Variants in ALPP observed in about 807,000 individuals in gnomAD.
The protein encoded by ALPP is alkaline phosphatase, placental type.
A neutral mutation model predicts 50.7 loss-of-function variants in ALPP; 39 were observed. The ratio of observed to expected loss-of-function variants is 0.77; its 90% CI spans 0.60 to 1.00. The LOEUF (loss-of-function observed/expected upper bound fraction) is 1.00, where lower values mean the gene tolerates loss of function less well. Among genes scored for constraint, ALPP ranks in the 50% least tolerant of loss-of-function variants. ALPP has a pLI of 0.00. For synonymous variants in ALPP, 226 were observed against 320.3 expected (o/e 0.71, Z 3.14); for missense variants, 550 against 746.8 (o/e 0.74, Z 3.07).
chr2:232,379,144 T>C lies in ALPP; in HGVS notation c.194-56T>C, dbSNP rs376899741. ...CCTCACAGCCCCGGCGCCCGGACCC[T>C]CAGTGGTTCCAGGAGAGCCCTGGGG... On this transcript the variant is annotated intron_variant, in intron 2 of 10. Coordinates refer to ENST00000392027, the MANE Select transcript of ALPP (RefSeq NM_001632.5). The C allele has an allele frequency of 1.5e-4, 238 of 1,614,014 alleles. 8 individuals carry two copies. Among genetic ancestry groups the C allele is most frequent in the East Asian group, 9.8e-4 (44 of 44,872 alleles).
In ALPP at chr2:232,381,285, C is replaced by A. The variant is rs773288532; in HGVS notation, c.1227C>A (p.Ala409=). The A allele has an allele frequency of 1.2e-4, 201 of 1,613,880 alleles. No individual in the cohort carries two copies. The highest frequency in any genetic ancestry group is 1.6e-4 in the Non-Finnish European group (186 of 1,180,004). The stretch of plus-strand genomic sequence containing the variant: ...CTGGCAAGGCCCGGGACAGGAAGGC[C>A]TACACGGTCCTCCTATACGGAAACG... ...LAPGKARDRK[A]YTVLLYGNGP... The change falls in exon 10 of 11, where the codon GCC becomes GCA. Residue 409 remains alanine, a synonymous_variant. Transcript: ENST00000392027.
In ALPP at chr2:232,379,945, C is replaced by G; in HGVS notation, c.657+9C>G. The stretch of plus-strand genomic sequence containing the variant: ...CCAACATGGACATTGACGTGCGACC[C>G]CCAGGCCAAGGGCTGGGGCTGGGCA... On this transcript the variant is annotated intron_variant, in intron 5 of 10. Coordinates refer to ENST00000392027, the MANE Select transcript of ALPP (RefSeq NM_001632.5). 2 of 1,599,096 alleles carry G rather than the reference C, an allele frequency of 1.3e-6. No homozygotes were observed. Among genetic ancestry groups the G allele is most frequent in the Admixed American group, 3.4e-5 (2 of 59,430 alleles).
Position 232,381,854 on chromosome 2 carries a change from C to T in ALPP, c.*59C>T. ...CCGGAGTTCTCCTGCTCCCCACCTCCTGTCGTCCTGCCTGGCCTCCAGCCC... is the reference window on the plus strand; with the variant it reads ...CCGGAGTTCTCCTGCTCCCCACCTCTTGTCGTCCTGCCTGGCCTCCAGCCC... On this transcript the variant is annotated 3_prime_UTR_variant, in exon 11 of 11. Coordinates refer to ENST00000392027, the MANE Select transcript of ALPP (RefSeq NM_001632.5). 6.6e-7 allele frequency: 1 copy of T among 1,507,430 alleles called. No individual in the cohort carries two copies. Among genetic ancestry groups the T allele is most frequent in the Admixed American group, 2.1e-5 (1 of 48,600 alleles). 93.4% of individuals were successfully genotyped at this position (1,507,430 alleles called of 1,614,324 possible).
At position 232,381,695 on chromosome 2, in the gene ALPP, G is replaced by T. The variant is rs765258696; in HGVS notation, c.1508G>T (p.Gly503Val). ...GCCTGCGACCTGGCGCCCCCCGCCG[G>T]CACCACCGACGCCGCGCACCCGGGG... The part of the protein sequence containing the change: ...YTACDLAPPA[G>V]TTDAAHPGRS... Residue 503 changes from glycine (G) to valine (V), a missense_variant, in exon 11 of 11, where the codon GGC (glycine) becomes GTC (valine). By Grantham distance (109) the Gly-to-Val change is moderately radical. Coordinates refer to ENST00000392027, the MANE Select transcript of ALPP (RefSeq NM_001632.5). The T allele has an allele frequency of 1.2e-6, 2 of 1,608,350 alleles. No homozygotes were observed. The highest frequency in any genetic ancestry group is 1.7e-6 in the Non-Finnish European group (2 of 1,178,440).
rs1352210017 is a variant in ALPP at position 232,381,930 on chromosome 2, C to T, written c.*135C>T. On this transcript the variant is annotated 3_prime_UTR_variant, in exon 11 of 11. Coordinates refer to ENST00000392027, the MANE Select transcript of ALPP (RefSeq NM_001632.5). ...ACAGAGGTCCTGCCATGGAACCTTCCCCTCCCCGTGCGCTCTGGGGACTGA... is the reference window on the plus strand; with the variant it reads ...ACAGAGGTCCTGCCATGGAACCTTCTCCTCCCCGTGCGCTCTGGGGACTGA... 3 of 1,361,146 alleles carry T rather than the reference C, an allele frequency of 2.2e-6. No homozygotes were observed. Among genetic ancestry groups the T allele is most frequent in the East Asian group, 5.0e-5 (2 of 39,820 alleles). 84.3% of individuals were successfully genotyped at this position (1,361,146 alleles called of 1,614,324 possible).
chr2:232,379,598 T>C lies in ALPP; in HGVS notation c.395T>C (p.Ile132Thr), dbSNP rs1332540519. The C allele has an allele frequency of 3.1e-6, 5 of 1,614,016 alleles. No individual in the cohort carries two copies. The highest frequency in any genetic ancestry group is 2.2e-5 in the East Asian group (1 of 44,876). ...LCGVKGNFQT[I>T]GLSAAARFNQ... ...GGGGTCAAGGGCAACTTCCAGACCA[T>C]TGGCTTGAGTGCAGCCGCCCGCTTT... The change falls in exon 4 of 11, where the codon ATT becomes ACT. Residue 132 changes from isoleucine to threonine, a missense_variant. Around this residue, in one of 5 missense-constraint regions of ALPP, gnomAD observed 376 missense variants for 388.5 expected, o/e 0.97. Coordinates refer to ENST00000392027, the MANE Select transcript of ALPP (RefSeq NM_001632.5).
rs1696665600 is a variant in ALPP, at chr2:232,379,582, G to A, written c.379G>A (p.Gly127Ser). ...CACGGCCTACCTGTGCGGGGTCAAG[G>A]GCAACTTCCAGACCATTGGCTTGAG... ...TATAYLCGVKGNFQTIGLSAA... is the reference protein window; with the variant it reads ...TATAYLCGVKSNFQTIGLSAA... The change falls in exon 4 of 11, where the codon GGC becomes AGC. Residue 127 changes from glycine to serine, a missense_variant. Physicochemically the swap from Gly to Ser is moderately conservative, Grantham distance 56. Around this residue, in one of 5 missense-constraint regions of ALPP, gnomAD observed 376 missense variants for 388.5 expected, o/e 0.97. Coordinates refer to ENST00000392027, the MANE Select transcript of ALPP (RefSeq NM_001632.5). 6.2e-7 allele frequency: 1 copy of A among 1,614,076 alleles called. No homozygotes were observed. Among genetic ancestry groups the A allele is most frequent in the Middle Eastern group, 1.6e-4 (1 of 6,062 alleles).
In ALPP at chr2:232,379,638, G is replaced by A. The variant is rs376147815; in HGVS notation, c.435G>A (p.Thr145=). The change falls in exon 4 of 11, where the codon ACG becomes ACA. Residue 145 remains threonine (T), a synonymous_variant. Transcript: ENST00000392027. ...SAAARFNQCN[T]TRGNEVISVM... ...CCGCCCGCTTTAACCAGTGCAACAC[G>A]ACACGCGGCAACGAGGTCATCTCCG... 24 of 1,613,798 alleles carry A rather than the reference G, an allele frequency of 1.5e-5. No homozygotes were observed. The African/African-American group carries it at 1.7e-4, about 12-fold the overall frequency.
chr2:232,379,289 C>G lies in ALPP; in HGVS notation c.283C>G (p.Arg95Gly), dbSNP rs537502520. ...LGPEIPLAMD[R>G]FPYVALSKTY... is the part of the protein sequence containing the mutation. ...GCCTGAGATACCCCTGGCCATGGAC[C>G]GCTTCCCATATGTGGCTCTGTCCAA... The change falls in exon 3 of 11, where the codon CGC becomes GGC. Residue 95 changes from arginine (R) to glycine (G), a missense_variant. By Grantham distance (125) the Arg-to-Gly change is moderately radical. Around this residue, in one of 5 missense-constraint regions of ALPP, gnomAD observed 376 missense variants for 388.5 expected, o/e 0.97. Coordinates refer to ENST00000392027, the MANE Select transcript of ALPP (RefSeq NM_001632.5). 3.7e-6 allele frequency: 6 copies of G among 1,613,978 alleles called. No individual in the cohort carries two copies. The highest frequency in any genetic ancestry group is 5.1e-6 in the Non-Finnish European group (6 of 1,180,024).
chr2:232,382,533 G>A lies in ALPP; in HGVS notation c.*738G>A. On this transcript the variant is annotated 3_prime_UTR_variant, in exon 11 of 11. Coordinates refer to ENST00000392027, the MANE Select transcript of ALPP (RefSeq NM_001632.5). ...TGGACACTGGGCATAGATTTCTCAA[G>A]AAGGAAGACTCCCCTGCCTCCCCAG... The A allele has an allele frequency of 6.6e-6, 1 of 152,306 alleles. No individual in the cohort carries two copies. The highest frequency in any genetic ancestry group is 6.5e-5 in the Admixed American group (1 of 15,280). 9.4% of individuals were successfully genotyped at this position (152,306 alleles called of 1,614,324 possible). A position where few individuals can be genotyped will look rare whatever the true frequency, so the allele number is the denominator to read the frequency against.
rs767270931 is a variant in ALPP, at chr2:232,378,785, T to G, written c.-18T>G. ...GCCCAGAATTCCTGCCTCGCCACTG[T>G]CCTGCTGCCCTCCAGACATGCTGGG... On this transcript the variant is annotated 5_prime_UTR_variant, in exon 1 of 11. Transcript: ENST00000392027. 1.2e-6 allele frequency: 2 copies of G among 1,613,050 alleles called. No individual in the cohort carries two copies. The highest frequency in any genetic ancestry group is 4.5e-5 in the East Asian group (2 of 44,882).
intron 9 of ALPP, 48 bp from the exon 10 acceptor site, chr2:232,381,203 A>G: frequency 1.2e-6 from 2 of 1,609,314 alleles, no homozygotes; most frequent in Non-Finnish European, 1.7e-6. Context: ...CGTGGGAGAC[A>G]CTCCACAGCT....
In ALPP at chr2:232,379,332, C is replaced by G; in HGVS notation, c.309+17C>G. ...CTGTCCAAGGTAAGTGCTGGGCTAC[C>G]TTAGAGTCCTCCAAGCACAGAAGGG... is the stretch of plus-strand genomic sequence containing the variant. On this transcript the variant is annotated intron_variant, in intron 3 of 10. Coordinates refer to ENST00000392027, the MANE Select transcript of ALPP (RefSeq NM_001632.5). 6.2e-7 allele frequency: 1 copy of G among 1,613,404 alleles called. No individual in the cohort carries two copies. Among genetic ancestry groups the G allele is most frequent in the Non-Finnish European group, 8.5e-7 (1 of 1,179,634 alleles).
In ALPP at chr2:232,381,303, C is replaced by G. The variant is rs752955692; in HGVS notation, c.1245C>G (p.Tyr415Ter). 3.1e-6 allele frequency: 5 copies of G among 1,613,976 alleles called. No homozygotes were observed. The highest frequency in any genetic ancestry group is 1.3e-5 in the African/African-American group (1 of 74,912). The change falls in exon 10 of 11, where the codon TAC becomes TAG. Residue 415 changes from tyrosine (Y) to a stop codon, truncating the protein, a stop_gained. Transcript: ENST00000392027. LOFTEE classifies it high-confidence loss of function. ...GGAAGGCCTACACGGTCCTCCTATA[C>G]GGAAACGGTCCAGGCTATGTGCTCA... ...RDRKAYTVLL[Y>*]GNGPGYVLKD... is the part of the protein sequence containing the mutation.
chr2:232,379,858 C>T lies in ALPP; in HGVS notation c.579C>T (p.Asp193=), dbSNP rs75604235. The T allele has an allele frequency of 2.4e-4, 392 of 1,613,448 alleles. No homozygotes were observed. The East Asian group carries it at 3.1e-3, about 13-fold the overall frequency. The change falls in exon 5 of 11, where the codon GAC becomes GAT. Residue 193 remains aspartate (D), a synonymous_variant. Coordinates refer to ENST00000392027, the MANE Select transcript of ALPP (RefSeq NM_001632.5). ...AHTVNRNWYS[D]ADVPASARQE... ...CGGTGAACCGCAACTGGTACTCGGA[C>T]GCCGACGTGCCTGCCTCCGCCCGCC... is the stretch of plus-strand genomic sequence containing the variant.
At position 232,381,355 on chromosome 2, in the gene ALPP, G is replaced by C; in HGVS notation, c.1297G>C (p.Glu433Gln). 6.2e-7 allele frequency: 1 copy of C among 1,614,112 alleles called. No homozygotes were observed. The highest frequency in any genetic ancestry group is 8.5e-7 in the Non-Finnish European group (1 of 1,180,036). The change falls in exon 10 of 11, where the codon GAG becomes CAG. Residue 433 changes from glutamate (E) to glutamine (Q), a missense_variant. Glu to Gln is a conservative substitution (Grantham distance 29, BLOSUM62 2). Transcript: ENST00000392027. The part of the protein sequence containing the change: ...LKDGARPDVT[E>Q]SESGSPEYRQ... ...GGACGGCGCCCGGCCGGATGTTACC[G>C]AGAGCGAGAGCGGTGAGTGCCGCGG...
rs754581296 is a variant in ALPP at position 232,379,775 on chromosome 2, G to A, written c.496G>A (p.Gly166Arg). 1 of 1,613,958 alleles carries A rather than the reference G, an allele frequency of 6.2e-7. No individual in the cohort carries two copies. The highest frequency in any genetic ancestry group is 1.1e-5 in the South Asian group (1 of 91,074). ...NRAKKAGKSVGVVTTTRVQHA... is the reference protein window; with the variant it reads ...NRAKKAGKSVRVVTTTRVQHA... Reference sequence around the variant, plus strand: ...TCTGACACCCTTAGGGAAGTCAGTGGGAGTGGTAACCACCACACGAGTGCA... The same window carrying A: ...TCTGACACCCTTAGGGAAGTCAGTGAGAGTGGTAACCACCACACGAGTGCA... Residue 166 changes from glycine (G) to arginine (R), a missense_variant, in exon 5 of 11, where the codon GGA (glycine) becomes AGA (arginine). Gly to Arg is a moderately radical substitution (Grantham distance 125, BLOSUM62 -2). This residue lies in a region of ALPP where 376 missense variants were observed against 388.5 expected (regional missense o/e 0.97). Coordinates refer to ENST00000392027, the MANE Select transcript of ALPP (RefSeq NM_001632.5).
At position 232,382,268 on chromosome 2, in the gene ALPP, G is replaced by T; in HGVS notation, c.*473G>T. 1 of 188,984 alleles carries T rather than the reference G, an allele frequency of 5.3e-6. No individual in the cohort carries two copies. Among genetic ancestry groups the T allele is most frequent in the Non-Finnish European group, 1.1e-5 (1 of 92,810 alleles). 11.7% of individuals were successfully genotyped at this position (188,984 alleles called of 1,614,324 possible). ...GCTGGCCAAGGAGGCTCCTGGGGTG[G>T]GGATCACCAGGGGGATTTTGACACA... On this transcript the variant is annotated 3_prime_UTR_variant, in exon 11 of 11. Coordinates refer to ENST00000392027, the MANE Select transcript of ALPP (RefSeq NM_001632.5).
intron 7 of ALPP, 42 bp from the exon 8 acceptor site, chr2:232,380,581 A>C: frequency 6.2e-7 from 1 of 1,611,336 alleles, no homozygotes; most frequent in East Asian, 2.2e-5. Flanking sequence ...GCACCCGCCC[A>C]CCCCCAGCCT....
Sources: allele counts gnomAD v4.1 joint callset, GRCh38; gene constraint gnomAD v4.1.1; regional missense constraint gnomAD v4.1.1; transcripts MANE v1.5; gene names NCBI Gene and HGNC (gene_info 2026-07-23, HGNC 2026-07-21).